The following KIAA0825 variants were observed in gnomAD, a reference collection of about 807,000 sequenced individuals.
KIAA0825 encodes uncharacterized protein KIAA0825.
A neutral mutation model predicts 147.6 loss-of-function variants in KIAA0825; 119 were observed. The ratio of observed to expected loss-of-function variants is 0.81; its 90% CI spans 0.69 to 0.94. The LOEUF (loss-of-function observed/expected upper bound fraction) is 0.94, where lower values mean the gene tolerates loss of function less well. Among genes scored for constraint, KIAA0825 ranks in the 40% least tolerant of loss-of-function variants. KIAA0825 has a pLI of 0.00. For synonymous variants in KIAA0825, 470 were observed against 518.1 expected (o/e 0.91, Z 1.26); for missense variants, 1,381 against 1,472.7 (o/e 0.94, Z 1.02).
intron 20 of KIAA0825, among the ~76,000 whole-genome samples, chr5:94,338,205 T>C (rs1215458264): frequency 1.3e-5 from 2 of 152,138 alleles, no homozygotes; most frequent in Non-Finnish European, 2.9e-5. Flanking sequence ...TGAGGAATTA[T>C]GTTTAATGTT....
At chr5:94,617,001 T>C (rs1790693061) in intron 1 of KIAA0825, among the ~76,000 whole-genome samples, 1 of 152,220 alleles carries the variant, frequency 6.6e-6, no homozygotes, top group Admixed American at 6.5e-5. Flanking sequence ...AATTGTATAA[T>C]TTATGGAAAA....
At chr5:94,519,877 C>T (rs79933494) in intron 5 of KIAA0825, 15 of 585,000 alleles carry the variant, frequency 2.6e-5, no homozygotes, top group East Asian at 1.4e-4. Flanking sequence ...TATATATATG[C>T]GTATATTTAA....
chr5:94,190,978 A>T (rs1205781681), intron 20 of KIAA0825, among the ~76,000 whole-genome samples: 1 of 152,162 alleles, frequency 6.6e-6, no homozygotes, highest in African/African-American at 2.4e-5. Context: ...AGGAGATATT[A>T]TCTAATGTTT....
At chr5:94,607,265 C>T (rs115291784) in intron 1 of KIAA0825, among the ~76,000 whole-genome samples, 2,234 of 151,994 alleles carry the variant, frequency 0.015, 45 homozygotes, top group African/African-American at 0.051. Flanking sequence ...TTTATAACAA[C>T]AAAACATTAT....
intron 20 of KIAA0825, among the ~76,000 whole-genome samples, chr5:94,154,492 T>G (rs959721937): frequency 2.0e-5 from 3 of 152,250 alleles, no homozygotes; most frequent in Non-Finnish European, 1.5e-5. Flanking sequence ...CCCTCACTGA[T>G]TAACCAGATT....
chr5:94,313,861 T>C (rs1420975944), intron 20 of KIAA0825, among the ~76,000 whole-genome samples: 2 of 151,674 alleles, frequency 1.3e-5, no homozygotes, highest in Non-Finnish European at 3.0e-5. Context: ...TTTATTGTTC[T>C]TTCATTGCAT....
intron 20 of KIAA0825, among the ~76,000 whole-genome samples, chr5:94,374,513 C>T (rs769573400): frequency 6.6e-6 from 1 of 152,210 alleles, no homozygotes; most frequent in African/African-American, 2.4e-5. Context: ...GCATAGTTGA[C>T]TAATGGCCCC....
At chr5:94,535,617 ACCCAAGAATGTCTTT>A (rs767335170) in intron 3 of KIAA0825, among the ~76,000 whole-genome samples, 23 of 151,178 alleles carry the variant, frequency 1.5e-4, no homozygotes, top group Non-Finnish European at 2.9e-4. Flanking sequence ...CAGCTTTGTG[ACCCAAGAATGTCTTT>A]CTCAAGAACC....
rs114109195 is a variant in KIAA0825, at chr5:94,274,249, T to C, written c.3710+110119A>G. Among the ~76,000 whole-genome samples the C allele has an allele frequency of 7.0e-3, 1,065 of 152,234 alleles. 19 individuals carry two copies. The highest frequency in any genetic ancestry group is 0.023 in the African/African-American group (973 of 41,558). The stretch of plus-strand genomic sequence containing the variant: ...TTTTTGACATAAGGCTGGTTATTAA[T>C]ATGAGATGGTTGAACTATCTCTTTC... On this transcript the variant is annotated intron_variant, in intron 20 of 20. Transcript: ENST00000682413.
chr5:94,265,787 C>T (rs528095074), intron 20 of KIAA0825, among the ~76,000 whole-genome samples: 6 of 152,070 alleles, frequency 3.9e-5, no homozygotes, highest in Admixed American at 6.5e-5. Flanking sequence ...GGTGACAGGG[C>T]GAGACTCCAT....
chr5:94,391,462 C>G (rs893444583), intron 18 of KIAA0825, 73 bp downstream of exon 18: 1 of 1,461,966 alleles, frequency 6.8e-7, no homozygotes, highest in Non-Finnish European at 9.4e-7. Flanking sequence ...CCTTGACTAA[C>G]CCTTAGCTGC....
intron 20 of KIAA0825, among the ~76,000 whole-genome samples, chr5:94,324,553 A>G (rs1460714491): frequency 6.6e-6 from 1 of 152,036 alleles, no homozygotes; most frequent in East Asian, 1.9e-4. Context: ...TCAAGCTGCT[A>G]CACAACAGAG....
intron 20 of KIAA0825, among the ~76,000 whole-genome samples, chr5:94,340,911 A>T (rs1486045481): frequency 6.6e-6 from 1 of 152,234 alleles, no homozygotes; most frequent in Non-Finnish European, 1.5e-5. Flanking sequence ...CCTGAGATGT[A>T]TTAATTCAGT....
intron 5 of KIAA0825, among the ~76,000 whole-genome samples, chr5:94,515,255 C>G (rs1767041538): frequency 6.6e-6 from 1 of 151,882 alleles, no homozygotes; most frequent in Non-Finnish European, 1.5e-5. Context: ...CATAACTAGT[C>G]CAAATATAAA....
At chr5:94,418,400 G>C (rs1753746906) in intron 14 of KIAA0825, among the ~76,000 whole-genome samples, 1 of 152,032 alleles carries the variant, frequency 6.6e-6, no homozygotes, top group Non-Finnish European at 1.5e-5. Flanking sequence ...TTCAAAACAA[G>C]TTAGTTTTCC....
At chr5:94,171,837 G>A (rs1280022299) in intron 20 of KIAA0825, among the ~76,000 whole-genome samples, 1 of 152,066 alleles carries the variant, frequency 6.6e-6, no homozygotes, top group Non-Finnish European at 1.5e-5. Context: ...ATGAAAATAA[G>A]TGAAAGAAAT....
chr5:94,546,785 C>T (rs1441966950), intron 2 of KIAA0825, among the ~76,000 whole-genome samples: 2 of 122,962 alleles, frequency 1.6e-5, no homozygotes, highest in Non-Finnish European at 3.2e-5. Flanking sequence ...ATTCTATGTC[C>T]AGGCACCAAA....
chr5:94,469,322 C>A (rs1184993547), intron 10 of KIAA0825, among the ~76,000 whole-genome samples: 4 of 152,022 alleles, frequency 2.6e-5, no homozygotes, highest in African/African-American at 4.8e-5. Flanking sequence ...AGGCATGCAC[C>A]ACCACACCCA....
intron 7 of KIAA0825, among the ~76,000 whole-genome samples, chr5:94,475,450 G>A (rs1011263556): frequency 6.6e-6 from 1 of 152,170 alleles, no homozygotes; most frequent in Admixed American, 6.5e-5. Context: ...ATTATAATAT[G>A]TTGGCCTATC....
Sources: gnomAD v4.1 joint callset for allele counts (sites outside exome capture counted in the v4.1 genomes callset) on GRCh38, gnomAD v4.1.1 for gene constraint, MANE v1.5 for transcripts, NCBI Gene and HGNC (gene_info 2026-07-23, HGNC 2026-07-21) for gene names.